The following CDH13 variants were observed in gnomAD, a reference collection of about 807,000 sequenced individuals.
CDH13 encodes cadherin-13.
Under a neutral mutation model 63.8 loss-of-function variants are expected in CDH13, and 24 were observed. The observed-to-expected ratio is 0.38, with a 90% CI of 0.27 to 0.53. The LOEUF (loss-of-function observed/expected upper bound fraction) is 0.53, where lower values mean the gene tolerates loss of function less well. Ranked by LOEUF, CDH13 falls within the 20% of genes least tolerant of loss-of-function variation. The pLI is 0.85. For synonymous variants in CDH13, 503 were observed against 355.3 expected (o/e 1.42, Z -4.67); for missense variants, 1,049 against 903.1 (o/e 1.16, Z -2.07).
At chr16:83,018,333 T>G (rs1007349707) in intron 2 of CDH13, among the ~76,000 whole-genome samples, 1 of 152,204 alleles carries the variant, frequency 6.6e-6, no homozygotes, top group African/African-American at 2.4e-5. Flanking sequence ...CACATTCACC[T>G]TTAGTTGCCG....
intron 1 of CDH13, among the ~76,000 whole-genome samples, chr16:82,765,257 C>G (rs368783865): frequency 6.6e-6 from 1 of 152,116 alleles, no homozygotes; most frequent in African/African-American, 2.4e-5. Context: ...AGCTAAATAC[C>G]TCTTGAAGCT....
At chr16:83,132,561 C>T (rs1385821119) in intron 4 of CDH13, among the ~76,000 whole-genome samples, 1 of 150,976 alleles carries the variant, frequency 6.6e-6, no homozygotes. Flanking sequence ...AATTCTCCTG[C>T]TCAGCCTCCC....
chr16:83,736,372 T>A (rs1037782334), intron 10 of CDH13, among the ~76,000 whole-genome samples: 23 of 152,184 alleles, frequency 1.5e-4, no homozygotes, highest in African/African-American at 5.5e-4. Context: ...AGTCTCTCAA[T>A]GTTTAATTAC....
intron 1 of CDH13, among the ~76,000 whole-genome samples, chr16:82,739,970 T>A (rs910642489): frequency 1.3e-5 from 2 of 152,196 alleles, no homozygotes; most frequent in African/African-American, 4.8e-5. Context: ...CAAAACTAAT[T>A]ATCCCTTAAT....
intron 5 of CDH13, among the ~76,000 whole-genome samples, chr16:83,243,579 C>G (rs2151817266): frequency 6.6e-6 from 1 of 152,276 alleles, no homozygotes; most frequent in African/African-American, 2.4e-5. Flanking sequence ...GACTCCATCT[C>G]TGTACAGGGG....
At chr16:83,138,450 G>C (rs928122386) in intron 4 of CDH13, among the ~76,000 whole-genome samples, 4 of 152,288 alleles carry the variant, frequency 2.6e-5, no homozygotes, top group Middle Eastern at 3.4e-3. Context: ...CAGGCAACGC[G>C]AAGCTGAGAT....
At position 82,779,535 on chromosome 16, in the gene CDH13, G is replaced by A. The variant is rs545913368; in HGVS notation, c.46-78827G>A. Among the ~76,000 whole-genome samples, 3 of 152,328 alleles carry A rather than the reference G, an allele frequency of 2.0e-5. No homozygotes were observed. The East Asian group carries it at 5.8e-4, about 29-fold the overall frequency. On this transcript the variant is annotated intron_variant, in intron 1 of 13. Coordinates refer to ENST00000567109, the MANE Select transcript of CDH13 (RefSeq NM_001257.5). ...GTCTGGGAATGAACCAAGAGGGATG[G>A]TCAGTGGCTCCAAGGGGCGGAGCGG...
intron 7 of CDH13, among the ~76,000 whole-genome samples, chr16:83,575,423 G>A (rs1159252197): frequency 2.0e-5 from 3 of 152,112 alleles, no homozygotes; most frequent in Non-Finnish European, 2.9e-5. Context: ...CCACCGCAGG[G>A]ATCCTTTTCC....
intron 2 of CDH13, among the ~76,000 whole-genome samples, chr16:82,898,165 A>C (rs1474447453): frequency 6.6e-6 from 1 of 152,270 alleles, no homozygotes; most frequent in Non-Finnish European, 1.5e-5. Flanking sequence ...ATGTTAAACG[A>C]AACATATTGT....
intron 1 of CDH13, among the ~76,000 whole-genome samples, chr16:82,721,681 G>C (rs2032779058): frequency 2.0e-5 from 3 of 152,078 alleles, no homozygotes; most frequent in South Asian, 4.1e-4. Context: ...GAGAGAACTT[G>C]TGCCAGGTCA....
intron 5 of CDH13, among the ~76,000 whole-genome samples, chr16:83,278,127 T>C (rs1018456390): frequency 2.0e-5 from 3 of 152,148 alleles, no homozygotes; most frequent in Admixed American, 6.6e-5. Context: ...TAAAAAAAAA[T>C]GCATTATATT....
intron 13 of CDH13, among the ~76,000 whole-genome samples, chr16:83,784,015 T>G (rs1915711366): frequency 6.6e-6 from 1 of 152,212 alleles, no homozygotes; most frequent in Non-Finnish European, 1.5e-5. Flanking sequence ...TGAATTATTA[T>G]GCCAAGTAGT....
chr16:82,667,245 A>G (rs1054885233), intron 1 of CDH13, among the ~76,000 whole-genome samples: 10 of 152,224 alleles, frequency 6.6e-5, no homozygotes, highest in African/African-American at 2.2e-4. Context: ...CAGAGAGCTT[A>G]TACATTTCTA....
chr16:82,852,749 G>A (rs923628463), intron 1 of CDH13, among the ~76,000 whole-genome samples: 1 of 152,342 alleles, frequency 6.6e-6, no homozygotes, highest in East Asian at 1.9e-4. Flanking sequence ...GAACCAGGGA[G>A]TGGTGCTGAG....
At chr16:83,217,852 T>C (rs1033283914) in intron 5 of CDH13, among the ~76,000 whole-genome samples, 4 of 152,154 alleles carry the variant, frequency 2.6e-5, no homozygotes, top group African/African-American at 9.7e-5. Context: ...CAAGACCTGA[T>C]ATAATTAGCA....
At chr16:83,315,975 T>C (rs1422339788) in intron 5 of CDH13, among the ~76,000 whole-genome samples, 11 of 152,148 alleles carry the variant, frequency 7.2e-5, no homozygotes, top group Admixed American at 6.5e-4. Context: ...TACTGGGTAA[T>C]TTATAAAGGA....
At chr16:83,603,641 C>T (rs1336910293) in intron 8 of CDH13, among the ~76,000 whole-genome samples, 1 of 152,154 alleles carries the variant, frequency 6.6e-6, no homozygotes, top group Non-Finnish European at 1.5e-5. Flanking sequence ...TAGGGACCTG[C>T]AGTTGCCCCA....
chr16:82,802,007 G>A (rs2036879448), intron 1 of CDH13, among the ~76,000 whole-genome samples: 1 of 152,206 alleles, frequency 6.6e-6, no homozygotes, highest in Admixed American at 6.5e-5. Flanking sequence ...ACCTCCATGG[G>A]CGGGTGGGGC....
chr16:83,124,070 G>C (rs888999720), intron 3 of CDH13, among the ~76,000 whole-genome samples: 3 of 152,074 alleles, frequency 2.0e-5, no homozygotes, highest in Non-Finnish European at 4.4e-5. Flanking sequence ...TTCTGAGCTG[G>C]AGTCTCGTTC....
Sources: allele counts gnomAD v4.1 joint callset (sites outside exome capture counted in the v4.1 genomes callset), GRCh38; gene constraint gnomAD v4.1.1; transcripts MANE v1.5; gene names NCBI Gene and HGNC (gene_info 2026-07-23, HGNC 2026-07-21).